Variants in LAD1 observed in about 807,000 individuals in gnomAD.
LAD1 encodes ladinin-1.
LAD1 carries 53 observed loss-of-function variants against 54.2 expected under a neutral mutation model. The observed-to-expected ratio is 0.98, with a 90% CI of 0.78 to 1.23. The LOEUF is 1.23. Among genes scored for constraint, LAD1 ranks in the 50% most tolerant of loss-of-function variants. LAD1 has a pLI of 0.00. For missense variants in LAD1, 637 were observed against 653.3 expected, an observed-to-expected ratio of 0.98 and a Z score of 0.27; for synonymous variants, 231 against 257.7, an observed-to-expected ratio of 0.90 and a Z score of 0.99.
intron 1 of LAD1, among the ~76,000 whole-genome samples, chr1:201,398,104 C>A (rs969573695): frequency 2.0e-5 from 3 of 152,210 alleles, no homozygotes; most frequent in Admixed American, 1.3e-4. Context: ...GGGAGGTGGC[C>A]CCCCAGTCCC....
Position 201,383,182 on chromosome 1 carries a change from C to T in LAD1, c.1278G>A (p.Leu426=). The T allele has an allele frequency of 6.2e-7, 1 of 1,614,118 alleles. No individual in the cohort carries two copies. The highest frequency in any genetic ancestry group is 1.1e-5 in the South Asian group (1 of 91,076). The change falls in exon 7 of 10, where the codon CTG becomes CTA. Residue 426 remains leucine, a synonymous_variant. Coordinates refer to ENST00000391967, the MANE Select transcript of LAD1 (RefSeq NM_005558.4). ...GAGCCACGAATAACTCAGTGCAAGG[C>T]AGACCCCGAGACTTGACAGATTCTG... The part of the protein sequence containing the change: ...RRSESVKSRG[L]PCTELFVAPV...
Position 201,386,545 on chromosome 1 carries a change from G to A in LAD1, c.816C>T (p.Ser272=), listed in dbSNP as rs967422922. ...IFEKALASEK[S]PTADAKPAPK... ...GGGCCGGCTTAGCATCTGCAGTTGG[G>A]CTCTTCTCTGAGGCCAGTGCCTTCT... The change falls in exon 3 of 10, where the codon AGC becomes AGT. Residue 272 remains serine, a synonymous_variant. Transcript: ENST00000391967. 3 of 1,612,082 alleles carry A rather than the reference G, an allele frequency of 1.9e-6. No individual in the cohort carries two copies. The highest frequency in any genetic ancestry group is 2.5e-6 in the Non-Finnish European group (3 of 1,179,342).
At position 201,381,765 on chromosome 1, in the gene LAD1, G is replaced by T; in HGVS notation, c.*123C>A. ...TGACCCCAGGGACCCTGGCCAAACAGATCCACAGGCAAAAAGGGAACAGGG... is the reference window on the plus strand; with the variant it reads ...TGACCCCAGGGACCCTGGCCAAACATATCCACAGGCAAAAAGGGAACAGGG... On this transcript the variant is annotated 3_prime_UTR_variant, in exon 10 of 10. Transcript: ENST00000391967. 8.8e-7 allele frequency: 1 copy of T among 1,131,874 alleles called. No homozygotes were observed. The highest frequency in any genetic ancestry group is 1.3e-6 in the Non-Finnish European group (1 of 742,034). 70.1% of individuals were successfully genotyped at this position (1,131,874 alleles called of 1,614,324 possible).
intron 5 of LAD1, among the ~76,000 whole-genome samples, chr1:201,383,740 C>T (rs374634131): frequency 6.6e-6 from 1 of 152,216 alleles, no homozygotes; most frequent in African/African-American, 2.4e-5. Flanking sequence ...GAGCTCTCCA[C>T]ATGGCTGCTC....
At chr1:201,383,706 C>T (rs1662019429) in intron 5 of LAD1, 4 of 394,424 alleles carry the variant, frequency 1.0e-5, no homozygotes, top group African/African-American at 2.1e-5. Context: ...TCGCCACTTA[C>T]CTGCTCTCCC....
Position 201,381,805 on chromosome 1 carries a change from G to T in LAD1, c.*83C>A. The T allele has an allele frequency of 1.4e-6, 2 of 1,404,746 alleles. No individual in the cohort carries two copies. The highest frequency in any genetic ancestry group is 2.3e-5 in the South Asian group (2 of 86,990). 87.0% of individuals were successfully genotyped at this position (1,404,746 alleles called of 1,614,324 possible). A position where few individuals can be genotyped will look rare whatever the true frequency, so the allele number is the denominator to read the frequency against. On this transcript the variant is annotated 3_prime_UTR_variant, in exon 10 of 10. Transcript: ENST00000391967. ...AGGGAACAGGGACAATGAGAGGAAA[G>T]GGTGCTGCTGTGAGAGGCAGGGGCC... is the stretch of plus-strand genomic sequence containing the variant.
intron 7 of LAD1, 153 bp from the exon 8 acceptor site, chr1:201,382,892 G>C: frequency 4.1e-6 from 4 of 986,380 alleles, no homozygotes; most frequent in Non-Finnish European, 6.1e-6. Flanking sequence ...CCTTCCCCCA[G>C]GGAGCTGTGT....
chr1:201,387,251 A>G, intron 2 of LAD1, 73 bp from the exon 3 acceptor site: 1 of 1,388,394 alleles, frequency 7.2e-7, no homozygotes, highest in Non-Finnish European at 9.3e-7. Context: ...AACCCAATGG[A>G]GATGCTGCCA....
At position 201,381,457 on chromosome 1, in the gene LAD1, C is replaced by A; in HGVS notation, c.*431G>T. On this transcript the variant is annotated 3_prime_UTR_variant, in exon 10 of 10. Transcript: ENST00000391967. ...GGGACAAAGATGGGTGGGTCCAGGC[C>A]TCAGAGAAGGGGGACATCATAGACA... is the stretch of plus-strand genomic sequence containing the variant. 1 of 258,362 alleles carries A rather than the reference C, an allele frequency of 3.9e-6. No homozygotes were observed. The highest frequency in any genetic ancestry group is 7.5e-6 in the Non-Finnish European group (1 of 133,404). The allele number at this position is 258,362 out of a possible 1,614,324, so 16.0% of individuals were successfully genotyped here.
Position 201,381,617 on chromosome 1 carries a change from A to C in LAD1, c.*271T>G. ...CATAGGCCCCATAGTGCTGATGTGCACTTGTGCTGTGACCTGGGCAGAGAC... is the reference window on the plus strand; with the variant it reads ...CATAGGCCCCATAGTGCTGATGTGCCCTTGTGCTGTGACCTGGGCAGAGAC... On this transcript the variant is annotated 3_prime_UTR_variant, in exon 10 of 10. Coordinates refer to ENST00000391967, the MANE Select transcript of LAD1 (RefSeq NM_005558.4). The C allele has an allele frequency of 1.8e-6, 1 of 563,668 alleles. No homozygotes were observed. The highest frequency in any genetic ancestry group is 3.2e-6 in the Non-Finnish European group (1 of 312,720). The allele number at this position is 563,668 out of a possible 1,614,324, so 34.9% of individuals were successfully genotyped here.
chr1:201,387,125 T>C lies in LAD1; in HGVS notation c.236A>G (p.Lys79Arg), dbSNP rs200604690. The change falls in exon 3 of 10, where the codon AAA becomes AGA. Residue 79 changes from lysine (K) to arginine (R), a missense_variant. Lys to Arg is a conservative substitution (Grantham distance 26, BLOSUM62 2). Transcript: ENST00000391967. ...GCTCTGGATGTCCTCGTCCTCATCT[T>C]TGGAGGCTGGGGGCAGTGGCTTGGG... ...EVPKPLPPAS[K>R]DEDEDIQSIL... The C allele has an allele frequency of 3.8e-6, 6 of 1,561,560 alleles. No homozygotes were observed. In the South Asian group the frequency reaches 7.4e-5, roughly 19 times the overall value.
At chr1:201,389,646 T>C (rs1363864963) in intron 1 of LAD1, among the ~76,000 whole-genome samples, 1 of 145,756 alleles carries the variant, frequency 6.9e-6, no homozygotes, top group Non-Finnish European at 1.5e-5. Flanking sequence ...CCTCCATCTC[T>C]ACAAAAATAC....
intron 1 of LAD1, among the ~76,000 whole-genome samples, chr1:201,392,484 C>G (rs752204648): frequency 1.6e-4 from 25 of 152,192 alleles, no homozygotes; most frequent in Middle Eastern, 3.2e-3. Context: ...AAAGCCCCCT[C>G]GGAGAGCCCT....
Position 201,386,489 on chromosome 1 carries a change from A to G in LAD1, c.872T>C (p.Leu291Pro). ...CCCAGAGGCTGGCGGCTCCTGCGCCAGGGGCTGCTCTGAGGCTGTGGCCCT... is the reference window on the plus strand; with the variant it reads ...CCCAGAGGCTGGCGGCTCCTGCGCCGGGGGCTGCTCTGAGGCTGTGGCCCT... ...PKRATASEQPLAQEPPASGGS... is the reference protein window; with the variant it reads ...PKRATASEQPPAQEPPASGGS... The change falls in exon 3 of 10, where the codon CTG becomes CCG. Residue 291 changes from leucine (L) to proline (P), a missense_variant. By Grantham distance (98) the Leu-to-Pro change is moderately conservative. Coordinates refer to ENST00000391967, the MANE Select transcript of LAD1 (RefSeq NM_005558.4). 3 of 1,561,854 alleles carry G rather than the reference A, an allele frequency of 1.9e-6. No individual in the cohort carries two copies. Among genetic ancestry groups the G allele is most frequent in the South Asian group, 1.2e-5 (1 of 80,754 alleles).
rs746528792 is a variant in LAD1, at chr1:201,384,817, T to G, written c.1150A>C (p.Asn384His). Residue 384 changes from asparagine to histidine, a missense_variant, in exon 5 of 10, where the codon AAC becomes CAC. Coordinates refer to ENST00000391967, the MANE Select transcript of LAD1 (RefSeq NM_005558.4). ...ISFRMKPKKENSETTLTRSAS... is the reference protein window; with the variant it reads ...ISFRMKPKKEHSETTLTRSAS... Reference sequence around the variant, plus strand: ...CTGCGAGTTAGGGTTGTTTCCGAGTTTTCTTTCTTGGGTTTCATCTGAAAT... The same window carrying G: ...CTGCGAGTTAGGGTTGTTTCCGAGTGTTCTTTCTTGGGTTTCATCTGAAAT... 6 of 1,614,062 alleles carry G rather than the reference T, an allele frequency of 3.7e-6. No individual in the cohort carries two copies. The Admixed American group carries it at 1.0e-4, about 27-fold the overall frequency.
rs1466797490 is a variant in LAD1, at chr1:201,384,807, G to A, written c.1160C>T (p.Thr387Ile). 6.2e-7 allele frequency: 1 copy of A among 1,613,998 alleles called. No individual in the cohort carries two copies. The highest frequency in any genetic ancestry group is 1.7e-5 in the Admixed American group (1 of 60,002). The change falls in exon 5 of 10, where the codon ACA becomes ATA. Residue 387 changes from threonine to isoleucine, a missense_variant. Physicochemically the swap from Thr to Ile is moderately conservative, Grantham distance 89. Transcript: ENST00000391967. ...RMKPKKENSE[T>I]TLTRSASMKL... ...GGCCCCCCACCTGCGAGTTAGGGTT[G>A]TTTCCGAGTTTTCTTTCTTGGGTTT...
chr1:201,389,016 G>A, intron 2 of LAD1, 144 bp downstream of exon 2: 1 of 924,532 alleles, frequency 1.1e-6, no homozygotes, highest in Non-Finnish European at 1.7e-6. Flanking sequence ...TGAGTCTGGG[G>A]AAGGTGGGGA....
chr1:201,389,064 C>T (rs1047397521), intron 2 of LAD1, 96 bp downstream of exon 2: 3 of 1,435,328 alleles, frequency 2.1e-6, no homozygotes, highest in Non-Finnish European at 2.9e-6. Context: ...GCCTCATTTC[C>T]TGGGCCCCAA....
At chr1:201,396,250 A>G (rs777977258) in intron 1 of LAD1, among the ~76,000 whole-genome samples, 1 of 150,682 alleles carries the variant, frequency 6.6e-6, no homozygotes. Context: ...CCTGGCCTTC[A>G]TCTGGGGACA....
Sources: gnomAD v4.1 joint callset for allele counts (sites outside exome capture counted in the v4.1 genomes callset) on GRCh38, gnomAD v4.1.1 for gene constraint, MANE v1.5 for transcripts, NCBI Gene and HGNC (gene_info 2026-07-23, HGNC 2026-07-21) for gene names.